Variants in RAD51B observed in about 807,000 individuals in gnomAD.
RAD51B encodes RAD51 paralog B, also known as DNA repair protein RAD51 homolog 2.
Under a neutral mutation model 42.2 loss-of-function variants are expected in RAD51B, and 38 were observed. The ratio of observed to expected loss-of-function variants is 0.90; its 90% CI spans 0.70 to 1.18. The LOEUF is 1.18. RAD51B is among the 50% of genes most tolerant of loss of function. The pLI, the probability that RAD51B is intolerant of heterozygous loss-of-function variation, is 0.00. For synonymous variants in RAD51B, 154 were observed against 145.2 expected (o/e 1.06, Z -0.43); for missense variants, 373 against 400.7 (o/e 0.93, Z 0.59).
intron 7 of RAD51B, among the ~76,000 whole-genome samples, chr14:67,946,062 A>G (rs1420433775): frequency 6.6e-6 from 1 of 152,158 alleles, no homozygotes; most frequent in East Asian, 1.9e-4. Flanking sequence ...CCTTTTAAGA[A>G]CTGTAATCTT....
Position 68,413,418 on chromosome 14 carries a change from G to A in RAD51B, c.957+1891G>A, listed in dbSNP as rs1003148029. On this transcript the variant is annotated intron_variant, in intron 9 of 10. Transcript: ENST00000471583. The stretch of plus-strand genomic sequence containing the variant: ...TATCTTAATTTACAAAAGACAACTT[G>A]TTACTATCATTACTAATCAATAAGA... Among the ~76,000 whole-genome samples the A allele has an allele frequency of 5.3e-5, 8 of 152,276 alleles. No homozygotes were observed. In the East Asian group the frequency reaches 1.5e-3, roughly 29 times the overall value.
intron 7 of RAD51B, among the ~76,000 whole-genome samples, chr14:68,267,126 G>C (rs1034314112): frequency 1.3e-5 from 2 of 152,148 alleles, no homozygotes; most frequent in Non-Finnish European, 2.9e-5. Context: ...TCTTCAGATA[G>C]GTAAAAAGCA....
At chr14:67,857,766 G>A (rs1331292754) in intron 4 of RAD51B, 1 of 152,996 alleles carries the variant, frequency 6.5e-6, no homozygotes, top group East Asian at 1.9e-4. Context: ...TTATGACAGG[G>A]GTATCCCATT....
chr14:68,614,975 C>T (rs1254710508), downstream of RAD51B, among the ~76,000 whole-genome samples: 14 of 152,260 alleles, frequency 9.2e-5, no homozygotes, highest in African/African-American at 1.2e-4. Context: ...TGGGTTCAAG[C>T]GATTCTCCTG....
intron 10 of RAD51B, among the ~76,000 whole-genome samples, chr14:68,548,423 A>C (rs1198145466): frequency 6.6e-6 from 1 of 152,228 alleles, no homozygotes; most frequent in Non-Finnish European, 1.5e-5. Context: ...GATGCTGTAA[A>C]TATGGTAATT....
intron 7 of RAD51B, among the ~76,000 whole-genome samples, chr14:68,153,839 A>G (rs993559217): frequency 2.6e-5 from 4 of 152,202 alleles, no homozygotes; most frequent in Admixed American, 6.5e-5. Flanking sequence ...ACTCTAAATG[A>G]AATGGAAACT....
chr14:68,321,814 GATCAT>G (rs1018862288), intron 8 of RAD51B, among the ~76,000 whole-genome samples: 1 of 152,010 alleles, frequency 6.6e-6, no homozygotes, highest in African/African-American at 2.4e-5. Flanking sequence ...ACAGTGCTGC[GATCAT>G]GGCTCACTGC....
At chr14:68,118,194 A>G (rs1309680562) in intron 7 of RAD51B, among the ~76,000 whole-genome samples, 1 of 152,230 alleles carries the variant, frequency 6.6e-6, no homozygotes, top group African/African-American at 2.4e-5. Flanking sequence ...TCCTTCACCC[A>G]GTTCCCTCTA....
chr14:68,301,754 G>A (rs1030697550), intron 8 of RAD51B, among the ~76,000 whole-genome samples: 7 of 151,916 alleles, frequency 4.6e-5, no homozygotes, highest in Admixed American at 3.3e-4. Context: ...GCACCACCAC[G>A]CCTGGCTAAT....
intron 8 of RAD51B, among the ~76,000 whole-genome samples, chr14:68,357,685 G>C (rs2139898794): frequency 6.6e-6 from 1 of 152,242 alleles, no homozygotes; most frequent in East Asian, 1.9e-4. Context: ...CTTCATCAGA[G>C]CTCTTCAGTG....
At chr14:68,123,183 C>A (rs796905583) in intron 7 of RAD51B, among the ~76,000 whole-genome samples, 17 of 144,080 alleles carry the variant, frequency 1.2e-4, no homozygotes, top group African/African-American at 4.4e-4. Context: ...TTCTTTTTTT[C>A]TTTCTTTCTT....
chr14:68,342,693 A>G (rs866411576), intron 8 of RAD51B, among the ~76,000 whole-genome samples: 2 of 150,950 alleles, frequency 1.3e-5, no homozygotes, highest in Middle Eastern at 3.4e-3. Flanking sequence ...AGAAAGGCGC[A>G]GAAAGGTTTA....
At chr14:68,096,684 G>A (rs765137523) in intron 7 of RAD51B, among the ~76,000 whole-genome samples, 20 of 152,260 alleles carry the variant, frequency 1.3e-4, no homozygotes, top group Non-Finnish European at 2.5e-4. Flanking sequence ...AACGATTCAT[G>A]TTTTTAAAAT....
chr14:68,340,353 C>T (rs928273316), intron 8 of RAD51B, among the ~76,000 whole-genome samples: 6 of 152,200 alleles, frequency 3.9e-5, no homozygotes, highest in Non-Finnish European at 8.8e-5. Context: ...CTGAAATAAA[C>T]AGCCAGCCTT....
chr14:67,993,900 ACTGATTTTTAACG>A (rs1271385016), intron 7 of RAD51B, among the ~76,000 whole-genome samples: 4 of 152,224 alleles, frequency 2.6e-5, no homozygotes, highest in Non-Finnish European at 4.4e-5. Flanking sequence ...ACTGGAAAAT[ACTGATTTTTAACG>A]CTGTATGCTA....
intron 5 of RAD51B, among the ~76,000 whole-genome samples, chr14:67,880,732 T>G (rs1312251590): frequency 6.6e-6 from 1 of 152,198 alleles, no homozygotes; most frequent in Admixed American, 6.5e-5. Context: ...CTGGTAATTT[T>G]TCAATTCGAT....
chr14:68,465,951 A>AAAAAAT (rs368641918), intron 9 of RAD51B, among the ~76,000 whole-genome samples: 1,039 of 90,374 alleles, frequency 0.011, 17 homozygotes, highest in Non-Finnish European at 0.02. Flanking sequence ...AAAAAAAAAA[A>AAAAAAT]AAATAAATAA....
intron 7 of RAD51B, among the ~76,000 whole-genome samples, chr14:67,887,792 G>A (rs796521717): frequency 1.8e-4 from 27 of 152,228 alleles, no homozygotes; most frequent in African/African-American, 5.8e-4. Flanking sequence ...TTTTTGTAGC[G>A]GGCATTGTGA....
intron 8 of RAD51B, among the ~76,000 whole-genome samples, chr14:68,354,444 A>G (rs183698556): frequency 1.1e-3 from 169 of 151,646 alleles, no homozygotes; most frequent in Middle Eastern, 6.9e-3. Context: ...CGATCCCTTG[A>G]CCTCGTGATC....
Sources: allele counts gnomAD v4.1 joint callset (sites outside exome capture counted in the v4.1 genomes callset), GRCh38; gene constraint gnomAD v4.1.1; transcripts MANE v1.5; gene names NCBI Gene and HGNC (gene_info 2026-07-23, HGNC 2026-07-21).